GABRR3: variants seen among roughly 807,000 people sequenced by gnomAD.
GABRR3 encodes gamma-aminobutyric acid receptor subunit rho-3.
In GABRR3, 29 loss-of-function variants were observed where a neutral mutation model predicts 43.2. That is an observed-to-expected ratio of 0.67 (90% confidence interval 0.50 to 0.92). The LOEUF (loss-of-function observed/expected upper bound fraction) is 0.92. Among genes scored for constraint, GABRR3 ranks in the 40% least tolerant of loss-of-function variants. GABRR3 has a pLI of 0.00. For synonymous variants in GABRR3, 206 were observed against 195.9 expected, an observed-to-expected ratio of 1.05 and a Z score of -0.43; for missense variants, 576 against 572.3, an observed-to-expected ratio of 1.01 and a Z score of -0.07.
chr3:98,033,738 C>T (rs879360778), intron 2 of GABRR3, among the ~76,000 whole-genome samples: 1 of 152,084 alleles, frequency 6.6e-6, no homozygotes, highest in Non-Finnish European at 1.5e-5. Flanking sequence ...CCAAATATTT[C>T]CTTAGCTAAT....
chr3:97,991,856 A>AAT (rs1553717652), intron 9 of GABRR3, among the ~76,000 whole-genome samples: 1 of 152,058 alleles, frequency 6.6e-6, no homozygotes, highest in Non-Finnish European at 1.5e-5. Flanking sequence ...GTAAAAAAAA[A>AAT]CTTAAACCAA....
At chr3:97,986,710 A>C (rs1706389730) in exon 10 of GABRR3, 1 of 1,563,218 alleles carries the variant, frequency 6.4e-7, no homozygotes, top group Admixed American at 1.9e-5. Context: ...AGTAAAACAA[A>C]TTAAATAAAA....
chr3:98,025,065 G>A (rs938636589), intron 3 of GABRR3, among the ~76,000 whole-genome samples: 2 of 152,186 alleles, frequency 1.3e-5, no homozygotes, highest in African/African-American at 4.8e-5. Flanking sequence ...GGATCACTGT[G>A]AGGATGGAAT....
intron 2 of GABRR3, among the ~76,000 whole-genome samples, chr3:98,029,988 G>C (rs556315653): frequency 6.6e-6 from 1 of 151,906 alleles, no homozygotes; most frequent in East Asian, 1.9e-4. Context: ...GGTGGTGGGA[G>C]CCTGTAATTT....
chr3:98,017,711 G>A, exon 4 of GABRR3: 1 of 1,608,914 alleles, frequency 6.2e-7, no homozygotes, highest in Non-Finnish European at 8.5e-7. Flanking sequence ...ATACCTACTG[G>A]CACTGGAGAC....
At chr3:98,000,589 C>G (rs987367009) in intron 8 of GABRR3, 1 of 152,060 alleles carries the variant, frequency 6.6e-6, no homozygotes, top group Non-Finnish European at 1.5e-5. Context: ...AGGAGGTGAG[C>G]AAATTGTTAA....
chr3:97,987,796 A>G (rs1706407210), intron 9 of GABRR3, among the ~76,000 whole-genome samples: 1 of 151,898 alleles, frequency 6.6e-6, no homozygotes, highest in East Asian at 1.9e-4. Context: ...TTATTTATTG[A>G]GACAGGTTCT....
intron 1 of GABRR3, 70 bp downstream of exon 1, chr3:98,035,120 A>G (rs561703795): frequency 2.4e-5 from 25 of 1,049,362 alleles, no homozygotes; most frequent in Non-Finnish European, 3.1e-5. Context: ...AAAGAAAGAC[A>G]TTGTCTTCAA....
At chr3:98,019,015 C>T (rs1706905727) in intron 3 of GABRR3, among the ~76,000 whole-genome samples, 1 of 151,656 alleles carries the variant, frequency 6.6e-6, no homozygotes, top group Non-Finnish European at 1.5e-5. Context: ...AAGACTGACG[C>T]ATGAGAATTG....
chr3:98,023,414 G>T (rs1336808288), intron 3 of GABRR3, among the ~76,000 whole-genome samples: 1 of 152,100 alleles, frequency 6.6e-6, no homozygotes, highest in Non-Finnish European at 1.5e-5. Context: ...TGTGTGACTG[G>T]CGCCCCCTGG....
At chr3:97,998,941 C>G (rs186183369) in intron 8 of GABRR3, 5 of 152,002 alleles carry the variant, frequency 3.3e-5, no homozygotes, top group Non-Finnish European at 7.4e-5. Flanking sequence ...ATGATAGACA[C>G]GACCCACAGC....
At chr3:98,018,832 G>T (rs570254535) in intron 3 of GABRR3, among the ~76,000 whole-genome samples, 1 of 152,116 alleles carries the variant, frequency 6.6e-6, no homozygotes, top group African/African-American at 2.4e-5. Context: ...GATTTAGGCC[G>T]GGCGTGGTGG....
intron 8 of GABRR3, chr3:97,997,639 G>A (rs1706578604): frequency 6.6e-6 from 1 of 152,116 alleles, no homozygotes; most frequent in African/African-American, 2.4e-5. Flanking sequence ...TAGGTCAAAA[G>A]GGAAACATAT....
At chr3:98,034,287 A>C (rs533611007) in intron 2 of GABRR3, among the ~76,000 whole-genome samples, 5 of 152,276 alleles carry the variant, frequency 3.3e-5, no homozygotes, top group African/African-American at 1.2e-4. Context: ...TCACTCTCAC[A>C]GATAGCTATC....
intron 2 of GABRR3, among the ~76,000 whole-genome samples, chr3:98,030,912 T>C (rs1044351323): frequency 6.6e-6 from 1 of 152,320 alleles, no homozygotes; most frequent in Non-Finnish European, 1.5e-5. Context: ...TGGATGCAAA[T>C]CCAAGGAATA....
chr3:98,027,693 A>G (rs1028944473), intron 2 of GABRR3, among the ~76,000 whole-genome samples: 1 of 152,168 alleles, frequency 6.6e-6, no homozygotes. Flanking sequence ...TATACCTTCT[A>G]TTTCCCAAAA....
chr3:97,991,557 T>C (rs1285687635), intron 9 of GABRR3, among the ~76,000 whole-genome samples: 4 of 152,214 alleles, frequency 2.6e-5, no homozygotes, highest in Non-Finnish European at 5.9e-5. Flanking sequence ...TCAGCTCTTA[T>C]TAGAGCTTTG....
chr3:98,005,042 A>T (rs1706707229), intron 7 of GABRR3, among the ~76,000 whole-genome samples: 1 of 152,046 alleles, frequency 6.6e-6, no homozygotes, highest in African/African-American at 2.4e-5. Context: ...CCCAGATATG[A>T]TTATTGATTT....
chr3:97,997,086 C>A (rs1414190609), intron 8 of GABRR3, among the ~76,000 whole-genome samples: 3 of 151,906 alleles, frequency 2.0e-5, no homozygotes. Context: ...TAATAGAGGT[C>A]AAAAGATAAG....
Sources: gnomAD v4.1 joint callset for allele counts (sites outside exome capture counted in the v4.1 genomes callset) on GRCh38, gnomAD v4.1.1 for gene constraint, MANE v1.5 for transcripts, NCBI Gene and HGNC (gene_info 2026-07-23, HGNC 2026-07-21) for gene names.